Variants in KIAA1671 observed in about 807,000 individuals in gnomAD.
KIAA1671 encodes uncharacterized protein KIAA1671.
A neutral mutation model predicts 131.2 loss-of-function variants in KIAA1671; 52 were observed. That is an observed-to-expected ratio of 0.40 (90% CI 0.32 to 0.50). The LOEUF is 0.50. KIAA1671 is among the 20% of genes least tolerant of loss of function. KIAA1671 has a pLI of 0.73. For synonymous variants in KIAA1671, 1,003 were observed against 961.6 expected (o/e 1.04, Z -0.80); for missense variants, 2,360 against 2,364.2 (o/e 1.00, Z 0.04).
intron 3 of KIAA1671, among the ~76,000 whole-genome samples, chr22:25,031,193 A>ATTT (rs58221822): frequency 5.3e-5 from 6 of 113,344 alleles, no homozygotes; most frequent in Non-Finnish European, 8.7e-5. Flanking sequence ...CACCCAGCTA[A>ATTT]TTTTTTTTTT....
chr22:25,083,998 G>A lies in KIAA1671; in HGVS notation c.4530+34634G>A, dbSNP rs529650180. ...TCCAGTTCATTCCTCCTGGAGGGAT[G>A]ACCTAAGTCTTGTCTTGAGGACAAA... On this transcript the variant is annotated intron_variant, in intron 6 of 12. Coordinates refer to ENST00000358431, the MANE Select transcript of KIAA1671 (RefSeq NM_001145206.2). Among the ~76,000 whole-genome samples the A allele has an allele frequency of 5.9e-5, 9 of 152,370 alleles. No homozygotes were observed. The South Asian group carries it at 1.7e-3, about 28-fold the overall frequency.
At chr22:25,033,882 G>GT (rs1447944158) in intron 4 of KIAA1671, among the ~76,000 whole-genome samples, 6 of 151,792 alleles carry the variant, frequency 4.0e-5, no homozygotes, top group African/African-American at 1.5e-4. Flanking sequence ...GCCTGGCCCA[G>GT]TTTTTTTAAA....
chr22:25,017,260 G>A (rs1925380261), intron 1 of KIAA1671, among the ~76,000 whole-genome samples: 2 of 152,176 alleles, frequency 1.3e-5, no homozygotes, highest in Non-Finnish European at 1.5e-5. Flanking sequence ...GCAGGCGCCT[G>A]TAGTCCCAGC....
chr22:25,085,821 G>A (rs539540326), intron 6 of KIAA1671, among the ~76,000 whole-genome samples: 2 of 152,070 alleles, frequency 1.3e-5, no homozygotes, highest in African/African-American at 4.8e-5. Context: ...AAGGGAGGAA[G>A]GCTGTTCAAG....
intron 6 of KIAA1671, among the ~76,000 whole-genome samples, chr22:25,141,035 A>G (rs1932799722): frequency 6.6e-6 from 1 of 152,098 alleles, no homozygotes; most frequent in South Asian, 2.1e-4. Context: ...AAGACTGTAA[A>G]ACAGATAAGA....
chr22:25,125,142 A>G (rs1601336480), intron 6 of KIAA1671, among the ~76,000 whole-genome samples: 1 of 152,332 alleles, frequency 6.6e-6, no homozygotes, highest in East Asian at 1.9e-4. Context: ...CGCATCTGGC[A>G]TCTAGGCCAT....
chr22:25,193,157 G>GA lies in KIAA1671; in HGVS notation c.*757dup, dbSNP rs1335732276. The stretch of plus-strand genomic sequence containing the variant: ...GTTTACGTTAAAGGACAGGAGGAAA[G>GA]ATGTGCGAATAATTTGTTCTGAAGT... On this transcript the variant is annotated 3_prime_UTR_variant, in exon 13 of 13. Coordinates refer to ENST00000358431, the MANE Select transcript of KIAA1671 (RefSeq NM_001145206.2). 3 of 152,198 alleles carry GA rather than the reference G, an allele frequency of 2.0e-5. No individual in the cohort carries two copies. Among genetic ancestry groups the GA allele is most frequent in the Admixed American group, 6.5e-5 (1 of 15,268 alleles). 9.4% of individuals were successfully genotyped at this position (152,198 alleles called of 1,614,324 possible).
intron 6 of KIAA1671, chr22:25,054,207 C>CGG: frequency 6.7e-6 from 1 of 148,478 alleles, no homozygotes. Flanking sequence ...GCTGAGTTTT[C>CGG]GCCACTGCAC....
At position 25,099,537 on chromosome 22, in the gene KIAA1671, GTTTTTTTGTTTTT is replaced by G. The variant is rs1391646784; in HGVS notation, c.4530+50181_4530+50193del. Among the ~76,000 whole-genome samples, 397 of 112,118 alleles carry G rather than the reference GTTTTTTTGTTTTT, an allele frequency of 3.5e-3. 1 individual carries two copies. Among genetic ancestry groups the G allele is most frequent in the Non-Finnish European group, 5.3e-3 (304 of 57,598 alleles). 73.6% of individuals were successfully genotyped at this position (112,118 alleles called of 152,430 possible). A position where few individuals can be genotyped will look rare whatever the true frequency, so the allele number is the denominator to read the frequency against. The stretch of plus-strand genomic sequence containing the variant: ...TATAAGTTTGTCTTTCAAAATGTGG[GTTTTTTTGTTTTT>G]TTTTTTTTTTTTTTTTTTTTTTTAG... On this transcript the variant is annotated intron_variant, in intron 6 of 12. Transcript: ENST00000358431.
intron 6 of KIAA1671, among the ~76,000 whole-genome samples, chr22:25,124,504 G>T (rs955697753): frequency 1.3e-5 from 2 of 152,220 alleles, no homozygotes; most frequent in African/African-American, 4.8e-5. Flanking sequence ...ACAGTTCAGA[G>T]CTTGGCTCTC....
Position 25,039,438 on chromosome 22 carries a change from GA to G in KIAA1671, c.2309del (p.Asp770AlafsTer29). 1 of 1,551,812 alleles carries G rather than the reference GA, an allele frequency of 6.4e-7. No homozygotes were observed. Among genetic ancestry groups the G allele is most frequent in the Non-Finnish European group, 8.7e-7 (1 of 1,147,026 alleles). On this transcript the variant is annotated frameshift_variant, in exon 5 of 13. Coordinates refer to ENST00000358431, the MANE Select transcript of KIAA1671 (RefSeq NM_001145206.2). LOFTEE classifies it high-confidence loss of function. ...CCTCAGGTCTTGGCTCTCACTGAAG[GA>G]CAGGCAGCTGTCCCAGGAGGTCACC... ...RSLRSWLSLK[D>X]RQLSQEVTPA...
chr22:25,066,043 C>T (rs956286742), intron 6 of KIAA1671, among the ~76,000 whole-genome samples: 2 of 152,048 alleles, frequency 1.3e-5, no homozygotes, highest in Admixed American at 6.5e-5. Context: ...CAAGGACCTG[C>T]TTGCTTGTAG....
intron 6 of KIAA1671, among the ~76,000 whole-genome samples, chr22:25,069,079 A>G (rs532507762): frequency 6.6e-6 from 1 of 152,232 alleles, no homozygotes; most frequent in African/African-American, 2.4e-5. Context: ...TCTGGCTTGT[A>G]TTTGAATCCC....
chr22:25,046,850 C>T (rs8142181), intron 5 of KIAA1671, among the ~76,000 whole-genome samples: 13,685 of 152,190 alleles, frequency 0.09, 2,036 homozygotes, highest in African/African-American at 0.31. Flanking sequence ...AGGTCAGAAT[C>T]TCTGGGGTAG....
intron 1 of KIAA1671, among the ~76,000 whole-genome samples, chr22:24,969,070 T>A (rs1202709569): frequency 6.6e-6 from 1 of 152,076 alleles, no homozygotes; most frequent in Non-Finnish European, 1.5e-5. Flanking sequence ...GGCTAATTTT[T>A]AAAATTTTTT....
At chr22:25,000,516 T>A (rs1343826165) in intron 1 of KIAA1671, among the ~76,000 whole-genome samples, 3 of 139,912 alleles carry the variant, frequency 2.1e-5, no homozygotes, top group Non-Finnish European at 4.6e-5. Flanking sequence ...TTTTTAAATG[T>A]AGCTTTCGAT....
At chr22:25,069,285 C>T (rs538680010) in intron 6 of KIAA1671, among the ~76,000 whole-genome samples, 1 of 152,300 alleles carries the variant, frequency 6.6e-6, no homozygotes, top group East Asian at 1.9e-4. Flanking sequence ...TCGCATTTTA[C>T]AGAAGGGGTA....
chr22:25,182,157 C>T (rs1380969577), intron 10 of KIAA1671, among the ~76,000 whole-genome samples: 5 of 151,244 alleles, frequency 3.3e-5, no homozygotes, highest in African/African-American at 7.3e-5. Context: ...CCAGCCTGGG[C>T]GACAGAGCGG....
At chr22:25,057,331 A>C (rs1246775406) in intron 6 of KIAA1671, 20 of 152,380 alleles carry the variant, frequency 1.3e-4, no homozygotes, top group African/African-American at 4.3e-4. Flanking sequence ...CCAGGGACCA[A>C]GGCCACGCAG....
Sources: allele counts gnomAD v4.1 joint callset (sites outside exome capture counted in the v4.1 genomes callset), GRCh38; gene constraint gnomAD v4.1.1; transcripts MANE v1.5; gene names NCBI Gene and HGNC (gene_info 2026-07-23, HGNC 2026-07-21).